REN: variants seen among roughly 807,000 people sequenced by gnomAD.
The protein encoded by REN is angiotensin-forming enzyme.
Under a neutral mutation model 48.6 loss-of-function variants are expected in REN, and 42 were observed. The observed-to-expected ratio is 0.86, with a 90% CI of 0.68 to 1.12. The LOEUF is 1.12. Ranked by LOEUF, REN falls within the 50% of genes most tolerant of loss-of-function variation. REN has a pLI of 0.00. For synonymous variants in REN, 196 were observed against 204.6 expected, an observed-to-expected ratio of 0.96 and a Z score of 0.36; for missense variants, 443 against 527.3, an observed-to-expected ratio of 0.84 and a Z score of 1.57.
In REN at chr1:204,157,117, A is replaced by T. The variant is rs11571087; in HGVS notation, c.698+244T>A. Among the ~76,000 whole-genome samples, 2,380 of 152,218 alleles carry T rather than the reference A, an allele frequency of 0.016. 31 individuals carry two copies. The highest frequency in any genetic ancestry group is 0.026 in the Non-Finnish European group (1,790 of 67,996). ...GTGGATGTGAACAAGACACAAATGG[A>T]CACCCCTCACTCTTGGGTTGCTGCT... On this transcript the variant is annotated intron_variant, in intron 6 of 9. Coordinates refer to ENST00000272190, the MANE Select transcript of REN (RefSeq NM_000537.4).
In REN at chr1:204,154,869, G is replaced by T; in HGVS notation, c.*147C>A. On this transcript the variant is annotated 3_prime_UTR_variant, in exon 10 of 10. Coordinates refer to ENST00000272190, the MANE Select transcript of REN (RefSeq NM_000537.4). The stretch of plus-strand genomic sequence containing the variant: ...TTGTCCTCAAAGCAGGGAAGGGCTG[G>T]TGCAGGGGTCAGGGCACGCATCCAG... The T allele has an allele frequency of 1.2e-6, 1 of 861,678 alleles. No individual in the cohort carries two copies. The highest frequency in any genetic ancestry group is 1.9e-6 in the Non-Finnish European group (1 of 533,558). 53.4% of individuals were successfully genotyped at this position (861,678 alleles called of 1,614,324 possible).
At chr1:204,157,934 A>C (rs150856989) in intron 5 of REN, among the ~76,000 whole-genome samples, 1 of 152,074 alleles carries the variant, frequency 6.6e-6, no homozygotes, top group East Asian at 1.9e-4. Flanking sequence ...CTGGAACCTC[A>C]TCTCTTTCAA....
chr1:204,164,565 C>CT (rs748060874), intron 1 of REN, among the ~76,000 whole-genome samples: 2,978 of 93,598 alleles, frequency 0.032, 121 homozygotes, highest in East Asian at 0.067. Context: ...CTTCTTCAGT[C>CT]TTTTTTTTTT....
intron 1 of REN, among the ~76,000 whole-genome samples, chr1:204,165,598 CTT>C (rs201481443): frequency 2.7e-5 from 4 of 146,500 alleles, no homozygotes; most frequent in South Asian, 2.2e-4. Flanking sequence ...CGACCCCCGT[CTT>C]TTTTTTTTTT....
chr1:204,161,978 CAG>C (rs1658253684), intron 2 of REN, 33 bp downstream of exon 2: 6 of 1,612,290 alleles, frequency 3.7e-6, no homozygotes, highest in Middle Eastern at 1.7e-4. Flanking sequence ...GGAAAGGAGA[CAG>C]GGAGGGAGCG....
At position 204,156,128 on chromosome 1, in the gene REN, C is replaced by G; in HGVS notation, c.960+50G>C. 6.2e-7 allele frequency: 1 copy of G among 1,611,880 alleles called. No individual in the cohort carries two copies. The highest frequency in any genetic ancestry group is 2.2e-5 in the East Asian group (1 of 44,878). On this transcript the variant is annotated intron_variant, in intron 8 of 9. Coordinates refer to ENST00000272190, the MANE Select transcript of REN (RefSeq NM_000537.4). This position sits in a 1 kb window ranked among gnomAD's most constrained non-coding sequence, Gnocchi z 4.2. Reference sequence around the variant, plus strand: ...TGCCTGGGGGATTTGTGAGCCGATACCAGGTGGCGCTCCCCCCACCCACAG... The same window carrying G: ...TGCCTGGGGGATTTGTGAGCCGATAGCAGGTGGCGCTCCCCCCACCCACAG...
At chr1:204,155,952 A>G in intron 8 of REN, 34 bp from the exon 9 acceptor site, 1 of 1,568,134 alleles carries the variant, frequency 6.4e-7, no homozygotes, top group Non-Finnish European at 8.8e-7. Flanking sequence ...CTTCTTGAGT[A>G]TGGAAGACGT....
At chr1:204,165,345 C>CT (rs988379930) in intron 1 of REN, among the ~76,000 whole-genome samples, 1 of 152,204 alleles carries the variant, frequency 6.6e-6, no homozygotes, top group African/African-American at 2.4e-5. Context: ...ACGTGCCCAG[C>CT]TTTCTATGCC....
intron 9 of REN, 78 bp downstream of exon 9, chr1:204,155,742 G>A: frequency 9.3e-7 from 1 of 1,079,174 alleles, no homozygotes; most frequent in Non-Finnish European, 1.4e-6. Flanking sequence ...CATGACCTGT[G>A]CATTGTAATC....
In REN at chr1:204,159,568, A is replaced by C; in HGVS notation, c.520T>G (p.Phe174Val). 1 of 1,614,170 alleles carries C rather than the reference A, an allele frequency of 6.2e-7. No individual in the cohort carries two copies. The highest frequency in any genetic ancestry group is 8.5e-7 in the Non-Finnish European group (1 of 1,180,026). Residue 174 changes from phenylalanine (F) to valine (V), a missense_variant, in exon 5 of 10, where the codon TTT (phenylalanine) becomes GTT (valine). Coordinates refer to ENST00000272190, the MANE Select transcript of REN (RefSeq NM_000537.4). ...TVGGITVTQM[F>V]GEVTEMPALP... ...GCGGGCATCTCCGTGACCTCTCCAA[A>C]CATCTGTGTCACCGTGATTCCACCC...
Position 204,155,870 on chromosome 1 carries a change from G to A in REN, c.1009C>T (p.His337Tyr), listed in dbSNP as rs536704856. 2.6e-4 allele frequency: 417 copies of A among 1,614,110 alleles called. 3 individuals are homozygous for A. The South Asian group carries it at 4.2e-3, about 16-fold the overall frequency. Residue 337 changes from histidine (H) to tyrosine (Y), a missense_variant, in exon 9 of 10, where the codon CAC (histidine) becomes TAC (tyrosine). Physicochemically the swap from His to Tyr is moderately conservative, Grantham distance 83. Coordinates refer to ENST00000272190, the MANE Select transcript of REN (RefSeq NM_000537.4). ...EGPTLPDISF[H>Y]LGGKEYTLTS... ...AGCGTGTATTCTTTGCCTCCCAGGTGGAAAGAGATGTCGGGGAGTGTAGGG... is the reference window on the plus strand; with the variant it reads ...AGCGTGTATTCTTTGCCTCCCAGGTAGAAAGAGATGTCGGGGAGTGTAGGG...
chr1:204,161,494 T>C (rs1658246517), intron 2 of REN, 79 bp from the exon 3 acceptor site: 1 of 1,331,082 alleles, frequency 7.5e-7, no homozygotes, highest in Admixed American at 3.2e-5. Flanking sequence ...CACTCTTGGC[T>C]CTCGGTGTGA....
rs1369891725 is a variant in REN, at chr1:204,159,437, C to A, written c.651G>T (p.Gly217=). The stretch of plus-strand genomic sequence containing the variant: ...AAGAGAAGACGTCCTCTTTTAGCAC[C>A]CCTTGGGAGATGATGTTGTCGAAGA... ...TPIFDNIISQ[G]VLKEDVFSFY... The change falls in exon 5 of 10, where the codon GGG becomes GGT. Residue 217 remains glycine (G), a synonymous_variant. Transcript: ENST00000272190. The A allele has an allele frequency of 2.5e-6, 4 of 1,614,122 alleles. No individual in the cohort carries two copies. Among genetic ancestry groups the A allele is most frequent in the Non-Finnish European group, 2.5e-6 (3 of 1,180,032 alleles).
At chr1:204,165,798 G>T (rs1315690102) in intron 1 of REN, among the ~76,000 whole-genome samples, 1 of 152,110 alleles carries the variant, frequency 6.6e-6, no homozygotes, top group Non-Finnish European at 1.5e-5. Flanking sequence ...CCCCATGTTG[G>T]CCAGGCTGGT....
intron 3 of REN, 41 bp downstream of exon 3, chr1:204,161,251 C>T: frequency 1.3e-6 from 2 of 1,560,554 alleles, no homozygotes; most frequent in Non-Finnish European, 1.7e-6. Context: ...CACAGTAGGG[C>T]AGGGGGATGG....
At position 204,156,144 on chromosome 1, in the gene REN, C is replaced by G. The variant is rs3795574; in HGVS notation, c.960+34G>C. 8 of 1,613,810 alleles carry G rather than the reference C, an allele frequency of 5.0e-6. No homozygotes were observed. In the South Asian group the frequency reaches 8.8e-5, roughly 18 times the overall value. On this transcript the variant is annotated intron_variant, in intron 8 of 9. Transcript: ENST00000272190. This position sits in a 1 kb window ranked among gnomAD's most constrained non-coding sequence, Gnocchi z 4.2. ...GAGCCGATACCAGGTGGCGCTCCCC[C>G]CACCCACAGCACCTTCCCTCTTTGG...
At position 204,156,607 on chromosome 1, in the gene REN, T is replaced by C; in HGVS notation, c.818+70A>G. On this transcript the variant is annotated intron_variant, in intron 7 of 9. Coordinates refer to ENST00000272190, the MANE Select transcript of REN (RefSeq NM_000537.4). The surrounding 1 kb of genome is among the most constrained non-coding windows in gnomAD (Gnocchi z 4.2). The stretch of plus-strand genomic sequence containing the variant: ...AGAGGGCAGGATGGTAATGCAGTCC[T>C]TCCCCACCCTCCCCAACCCCAGTGA... The C allele has an allele frequency of 6.3e-7, 1 of 1,594,958 alleles. No homozygotes were observed. The highest frequency in any genetic ancestry group is 1.1e-5 in the South Asian group (1 of 90,388).
rs1658152995 is a variant in REN at position 204,156,469 on chromosome 1, ACTGTCACC to A, written c.819-158_819-151del. On this transcript the variant is annotated intron_variant, in intron 7 of 9. Transcript: ENST00000272190. The surrounding 1 kb of genome is among the most constrained non-coding windows in gnomAD (Gnocchi z 4.2). ...AGGCAGTGAGTAGAGGAGGGAAGGT[ACTGTCACC>A]CTCCACCACTTCTCCCCAGGCCCCT... The A allele has an allele frequency of 3.8e-6, 5 of 1,319,810 alleles. No individual in the cohort carries two copies. In the East Asian group the frequency reaches 1.2e-4, roughly 33 times the overall value. 81.8% of individuals were successfully genotyped at this position (1,319,810 alleles called of 1,614,324 possible). A position where few individuals can be genotyped will look rare whatever the true frequency, so the allele number is the denominator to read the frequency against.
chr1:204,156,946 G>T lies in REN; in HGVS notation c.699-150C>A. On this transcript the variant is annotated intron_variant, in intron 6 of 9. Transcript: ENST00000272190. The surrounding 1 kb of genome is among the most constrained non-coding windows in gnomAD (Gnocchi z 4.2). ...ACAGACAGCCAGGCTCGGAGCTGTC[G>T]TTGGGAAGCATGCAGAACATACTGC... is the stretch of plus-strand genomic sequence containing the variant. The T allele has an allele frequency of 9.7e-7, 1 of 1,029,540 alleles. No individual in the cohort carries two copies. Among genetic ancestry groups the T allele is most frequent in the Non-Finnish European group, 1.5e-6 (1 of 669,400 alleles). The allele number at this position is 1,029,540 out of a possible 1,614,324, so 63.8% of individuals were successfully genotyped here. A position where few individuals can be genotyped will look rare whatever the true frequency, so the allele number is the denominator to read the frequency against.
Sources: allele counts gnomAD v4.1 joint callset (sites outside exome capture counted in the v4.1 genomes callset), GRCh38; gene constraint gnomAD v4.1.1; non-coding constraint Gnocchi (gnomAD v3.1); transcripts MANE v1.5; gene names NCBI Gene and HGNC (gene_info 2026-07-23, HGNC 2026-07-21).